Variants in EVC observed in about 807,000 individuals in gnomAD.
EVC encodes the protein EvC ciliary complex subunit 1, also known as evC complex member EVC.
In EVC, 116 loss-of-function variants were observed where a neutral mutation model predicts 118.9. The observed-to-expected ratio is 0.98, with a 90% confidence interval of 0.84 to 1.14. EVC has a LOEUF of 1.14. Ranked by LOEUF, EVC falls within the 50% of genes most tolerant of loss-of-function variation. The pLI is 0.00. For missense variants in EVC, 1,401 were observed against 1,246.4 expected (o/e 1.12, Z -1.87); for synonymous variants, 619 against 534.7 (o/e 1.16, Z -2.18).
At chr4:5,723,110 G>A (rs1187645713) in intron 2 of EVC, among the ~76,000 whole-genome samples, 2 of 152,098 alleles carry the variant, frequency 1.3e-5, no homozygotes, top group African/African-American at 4.8e-5. Flanking sequence ...ATGTGTTTCT[G>A]ATGCCCATTT....
chr4:5,772,985 C>G (rs1295349677), intron 11 of EVC, among the ~76,000 whole-genome samples: 2 of 152,186 alleles, frequency 1.3e-5, no homozygotes, highest in Non-Finnish European at 2.9e-5. Flanking sequence ...TCCTGGTCAT[C>G]ACATGTGCCA....
intron 11 of EVC, among the ~76,000 whole-genome samples, chr4:5,780,071 A>G (rs562697209): frequency 1.8e-4 from 27 of 152,292 alleles, no homozygotes; most frequent in Middle Eastern, 3.4e-3. Flanking sequence ...AATTTTGTCA[A>G]AGGTCTTTTC....
the EVC span, chr4:5,828,510 C>T: frequency 1.2e-6 from 2 of 1,614,226 alleles, no homozygotes; most frequent in Non-Finnish European, 8.5e-7. Flanking sequence ...TTTTGACGCG[C>T]TGGTACAGGT....
intron 1 of EVC, among the ~76,000 whole-genome samples, chr4:5,712,565 A>G (rs1242443079): frequency 6.6e-6 from 1 of 152,216 alleles, no homozygotes; most frequent in East Asian, 1.9e-4. Context: ...CTGCGCGATC[A>G]GAAACAAGAT....
intron 1 of EVC, among the ~76,000 whole-genome samples, chr4:5,713,413 C>T (rs1723371154): frequency 6.6e-6 from 1 of 152,194 alleles, no homozygotes; most frequent in Non-Finnish European, 1.5e-5. Flanking sequence ...CACTGTGGCT[C>T]ATGCCTGTCA....
chr4:5,817,536 T>A (rs935987883), downstream of EVC, among the ~76,000 whole-genome samples: 3 of 152,222 alleles, frequency 2.0e-5, no homozygotes, highest in Non-Finnish European at 4.4e-5. Context: ...CTAAAATCTC[T>A]GCAGGTCTGC....
chr4:5,785,910 G>C (rs750995013), intron 12 of EVC, among the ~76,000 whole-genome samples: 1 of 152,202 alleles, frequency 6.6e-6, no homozygotes, highest in Non-Finnish European at 1.5e-5. Context: ...GGAGGGAGGA[G>C]GACCTGGGCC....
chr4:5,716,510 C>T (rs1350621306), intron 1 of EVC, among the ~76,000 whole-genome samples: 2 of 152,214 alleles, frequency 1.3e-5, no homozygotes, highest in African/African-American at 4.8e-5. Flanking sequence ...GAATGGTGCT[C>T]AGAGTTCAGA....
chr4:5,796,982 C>T, intron 13 of EVC, 40 bp from the exon 14 acceptor site: 1 of 1,479,622 alleles, frequency 6.8e-7, no homozygotes, highest in Non-Finnish European at 9.5e-7. Context: ...TTCGTGAAGC[C>T]AAGAGCATTG....
intron 5 of EVC, 62 bp downstream of exon 5, chr4:5,733,497 C>G: frequency 2.1e-6 from 3 of 1,397,712 alleles, no homozygotes; most frequent in Admixed American, 1.7e-5. Context: ...GACAAGGACT[C>G]TGTGTGCAGT....
intron 12 of EVC, 94 bp downstream of exon 12, chr4:5,783,858 C>G: frequency 8.4e-7 from 1 of 1,183,718 alleles, no homozygotes; most frequent in Non-Finnish European, 1.2e-6. Flanking sequence ...CCCACTAGTG[C>G]CTATTGTAGG....
intron 12 of EVC, among the ~76,000 whole-genome samples, chr4:5,786,731 G>A (rs1258066267): frequency 6.6e-6 from 1 of 152,096 alleles, no homozygotes; most frequent in African/African-American, 2.4e-5. Context: ...AATTAGCCAA[G>A]TGTGATGACA....
intron 12 of EVC, among the ~76,000 whole-genome samples, chr4:5,788,242 G>A (rs1712082656): frequency 6.6e-6 from 1 of 152,146 alleles, no homozygotes; most frequent in Non-Finnish European, 1.5e-5. Flanking sequence ...AGGGGTCCAG[G>A]CACAGTTTAA....
intron 12 of EVC, among the ~76,000 whole-genome samples, chr4:5,791,034 G>C (rs551339809): frequency 1.3e-4 from 20 of 151,786 alleles, no homozygotes; most frequent in African/African-American, 4.4e-4. Flanking sequence ...GGTGAAGCTT[G>C]CAGTGAGCCG....
chr4:5,772,699 C>T (rs1039505999), intron 11 of EVC, among the ~76,000 whole-genome samples: 1 of 152,106 alleles, frequency 6.6e-6, no homozygotes, highest in East Asian at 1.9e-4. Flanking sequence ...CCTGTCCAGC[C>T]TGGCCCATGA....
At chr4:5,821,931 C>T in the EVC span, 5 of 1,109,196 alleles carry the variant, frequency 4.5e-6, no homozygotes, top group African/African-American at 1.0e-4. The surrounding 1 kb of genome is among the most constrained non-coding windows in gnomAD (Gnocchi z 4.4). Flanking sequence ...ATGTACTCTG[C>T]CATGCACTCC....
chr4:5,713,063 G>A (rs528230804), intron 1 of EVC, among the ~76,000 whole-genome samples: 6 of 152,318 alleles, frequency 3.9e-5, no homozygotes, highest in African/African-American at 1.4e-4. Flanking sequence ...TCTGCTACCT[G>A]GTGAGGTGGT....
intron 11 of EVC, among the ~76,000 whole-genome samples, chr4:5,774,984 A>T (rs190722128): frequency 6.6e-6 from 1 of 152,264 alleles, no homozygotes; most frequent in African/African-American, 2.4e-5. Context: ...GATCCAGCAC[A>T]TTTCTTATTA....
chr4:5,783,390 A>T (rs1735929498), intron 11 of EVC, among the ~76,000 whole-genome samples, 162 bp from the exon 12 acceptor site: 1 of 151,482 alleles, frequency 6.6e-6, no homozygotes, highest in African/African-American at 2.4e-5. Context: ...AGTTACTTGT[A>T]TGTGTGTCTA....
Sources: gnomAD v4.1 joint callset for allele counts (sites outside exome capture counted in the v4.1 genomes callset) on GRCh38, gnomAD v4.1.1 for gene constraint, Gnocchi (gnomAD v3.1) non-coding constraint, MANE v1.5 for transcripts, NCBI Gene and HGNC (gene_info 2026-07-23, HGNC 2026-07-21) for gene names.